The following SAMD11 variants were observed in gnomAD, a reference collection of about 807,000 sequenced individuals.
The protein encoded by SAMD11 is sterile alpha motif domain containing 11.
A neutral mutation model predicts 64.4 loss-of-function variants in SAMD11; 77 were observed. The observed-to-expected ratio is 1.20, with a 90% CI of 0.99 to 1.44. The LOEUF (loss-of-function observed/expected upper bound fraction) is 1.44. SAMD11 is among the 40% of genes most tolerant of loss of function. The pLI is 0.00. For synonymous variants in SAMD11, 658 were observed against 421.9 expected, an observed-to-expected ratio of 1.56 and a Z score of -6.86; for missense variants, 1,402 against 943.3, an observed-to-expected ratio of 1.49 and a Z score of -6.37.
intron 5 of SAMD11, among the ~76,000 whole-genome samples, chr1:937,568 G>C (rs1394763194): frequency 1.3e-5 from 2 of 152,206 alleles, no homozygotes; most frequent in Non-Finnish European, 2.9e-5. Context: ...GTGTGGAAAA[G>C]AGCCAGGTTC....
chr1:942,890 C>T lies in SAMD11; in HGVS notation c.1885C>T (p.Pro629Ser), dbSNP rs1409423831. 37 of 1,555,526 alleles carry T rather than the reference C, an allele frequency of 2.4e-5. No homozygotes were observed. The highest frequency in any genetic ancestry group is 4.1e-5 in the African/African-American group (3 of 73,622). ...ACAAGATGGCTCGGAAGACGAGCCC[C>T]CCAAAGACTCGGACGGAGAGGACCC... ...WAQDGSEDEPPKDSDGEDPET... is the reference protein window; with the variant it reads ...WAQDGSEDEPSKDSDGEDPET... Residue 629 changes from proline to serine, a missense_variant, in exon 11 of 14, where the codon CCC (proline) becomes TCC (serine). Physicochemically the swap from Pro to Ser is moderately conservative, Grantham distance 74 (BLOSUM62 -1). Coordinates refer to ENST00000616016, the MANE Select transcript of SAMD11 (RefSeq NM_001385641.1).
intron 4 of SAMD11, among the ~76,000 whole-genome samples, chr1:934,937 G>A (rs28451560): frequency 0.75 from 6,689 of 8,918 alleles, 2,499 homozygotes; most frequent in Middle Eastern, 0.94. Flanking sequence ...TGGGCGGGGG[G>A]GGCGGCTGCG....
At chr1:936,839 C>T (rs530351117) in intron 5 of SAMD11, among the ~76,000 whole-genome samples, 12 of 152,178 alleles carry the variant, frequency 7.9e-5, no homozygotes, top group Non-Finnish European at 1.6e-4. Context: ...CTAATTGCCC[C>T]ATCGATCCAG....
Position 937,900 on chromosome 1 carries a change from A to G in SAMD11, c.968-1140A>G, listed in dbSNP as rs28579246. Among the ~76,000 whole-genome samples the G allele has an allele frequency of 5.1e-3, 772 of 152,352 alleles. 5 individuals are homozygous for G. The highest frequency in any genetic ancestry group is 0.018 in the African/African-American group (737 of 41,572). ...ACTTCCCCAGCCTGATAAAAATGACAGATTAAGGGAATAAGAAAAAGGAAT... is the reference window on the plus strand; with the variant it reads ...ACTTCCCCAGCCTGATAAAAATGACGGATTAAGGGAATAAGAAAAAGGAAT... On this transcript the variant is annotated intron_variant, in intron 5 of 13. Coordinates refer to ENST00000616016, the MANE Select transcript of SAMD11 (RefSeq NM_001385641.1).
intron 2 of SAMD11, among the ~76,000 whole-genome samples, chr1:926,728 C>T (rs1557599290): frequency 1.3e-5 from 2 of 152,108 alleles, no homozygotes; most frequent in East Asian, 1.9e-4. Context: ...AGTCTCCAGC[C>T]CCCTAGTTGG....
At position 925,962 on chromosome 1, in the gene SAMD11, G is replaced by A. The variant is rs763964866; in HGVS notation, c.558G>A (p.Gln186=). The A allele has an allele frequency of 5.6e-6, 9 of 1,612,166 alleles. No individual in the cohort carries two copies. Among genetic ancestry groups the A allele is most frequent in the Non-Finnish European group, 7.6e-6 (9 of 1,179,944 alleles). Residue 186 remains glutamine (Q), a synonymous_variant, in exon 2 of 14, where the codon CAG becomes CAA. Coordinates refer to ENST00000616016, the MANE Select transcript of SAMD11 (RefSeq NM_001385641.1). ...LKTLMSKGIL[Q]VHPPICDCPG... ...CGCTTATGTCCAAGGGGATCCTGCA[G>A]GTGCATCCTCCGATCTGCGACTGCC...
chr1:944,036 G>A lies in SAMD11; in HGVS notation c.2418G>A (p.Thr806=), dbSNP rs202045502. 1.9e-4 allele frequency: 304 copies of A among 1,612,670 alleles called. No homozygotes were observed. The highest frequency in any genetic ancestry group is 2.5e-4 in the Non-Finnish European group (290 of 1,179,960). Residue 806 remains threonine (T), a synonymous_variant, in exon 14 of 14, where the codon ACG becomes ACA. Coordinates refer to ENST00000616016, the MANE Select transcript of SAMD11 (RefSeq NM_001385641.1). ...GAGAGCAGCCCTTGTCCCCCACGAC[G>A]GCCACGTCCCCCTATGGAGGGGGCC... ...GTGEQPLSPT[T]ATSPYGGGHA...
In SAMD11 at chr1:941,112, C is replaced by CG. The variant is rs769872476; in HGVS notation, c.1196-26dup. The CG allele has an allele frequency of 6.5e-4, 1,010 of 1,561,638 alleles. 2 individuals are homozygous for CG. The highest frequency in any genetic ancestry group is 1.4e-3 in the Middle Eastern group (7 of 4,880). ...GCTGGGGAGGATGAGGGCGCATAGC[C>CG]GGGGGGATCACTGCTGTTGTCCCCC... On this transcript the variant is annotated intron_variant, in intron 7 of 13. Transcript: ENST00000616016.
At chr1:939,166 G>A (rs1366030656) in intron 6 of SAMD11, 37 bp downstream of exon 6, 4 of 1,558,058 alleles carry the variant, frequency 2.6e-6, no homozygotes, top group African/African-American at 2.7e-5. Context: ...AGGTCACCAG[G>A]GGAGGGGGCA....
Position 943,292 on chromosome 1 carries a change from C to T in SAMD11, c.2093C>T (p.Pro698Leu), listed in dbSNP as rs1162993536. 1.9e-6 allele frequency: 3 copies of T among 1,612,752 alleles called. No individual in the cohort carries two copies. The highest frequency in any genetic ancestry group is 1.1e-5 in the South Asian group (1 of 91,054). ...GGLSMDGEEA[P>L]APEDVTKWTV... ...CTCTCCATGGATGGGGAGGAGGCCC[C>T]AGCCCCTGAGGACGTCACCAAGTGG... is the stretch of plus-strand genomic sequence containing the variant. The change falls in exon 12 of 14, where the codon CCA becomes CTA. Residue 698 changes from proline (P) to leucine (L), a missense_variant. Coordinates refer to ENST00000616016, the MANE Select transcript of SAMD11 (RefSeq NM_001385641.1).
At chr1:941,396 C>G in intron 8 of SAMD11, 90 bp downstream of exon 8, 2 of 1,269,040 alleles carry the variant, frequency 1.6e-6, no homozygotes, top group South Asian at 3.0e-5. Flanking sequence ...CCGAGAGTGC[C>G]AAGCACTGTG....
chr1:926,340 A>G (rs1164689408), intron 2 of SAMD11, among the ~76,000 whole-genome samples: 1 of 152,196 alleles, frequency 6.6e-6, no homozygotes, highest in Non-Finnish European at 1.5e-5. Flanking sequence ...GAGTAATTCA[A>G]CGTGGGCCTG....
chr1:935,710 C>T (rs1641395857), intron 4 of SAMD11, 62 bp from the exon 5 acceptor site: 2 of 1,604,124 alleles, frequency 1.2e-6, no homozygotes, highest in African/African-American at 2.7e-5. Context: ...TCCCTGTGCC[C>T]AGGCTGGGCT....
chr1:941,277 C>T lies in SAMD11; in HGVS notation c.1329C>T (p.Ala443=), dbSNP rs1195984800. 1 of 1,596,142 alleles carries T rather than the reference C, an allele frequency of 6.3e-7. No individual in the cohort carries two copies. The highest frequency in any genetic ancestry group is 8.5e-7 in the Non-Finnish European group (1 of 1,171,752). The change falls in exon 8 of 14, where the codon GCC becomes GCT. Residue 443 remains alanine, a synonymous_variant. Coordinates refer to ENST00000616016, the MANE Select transcript of SAMD11 (RefSeq NM_001385641.1). ...QGLAQHREGA[A]PAAAPSFSER... The stretch of plus-strand genomic sequence containing the variant: ...TGGCTCAGCACCGGGAGGGCGCCGC[C>T]CCAGCTGCCGCCCCGTCCTTCTCGG...
intron 5 of SAMD11, 97 bp downstream of exon 5, chr1:935,993 G>A (rs545645580): frequency 2.3e-6 from 3 of 1,318,058 alleles, no homozygotes; most frequent in Non-Finnish European, 3.1e-6. Context: ...CAGGCAGCCA[G>A]AGAGGCAGGA....
In SAMD11 at chr1:924,767, C is replaced by G. The variant is rs1342711366; in HGVS notation, c.336C>G (p.Gly112=). The change falls in exon 1 of 14, where the codon GGC becomes GGG. Residue 112 remains glycine, a synonymous_variant. Coordinates refer to ENST00000616016, the MANE Select transcript of SAMD11 (RefSeq NM_001385641.1). The part of the protein sequence containing the change: ...APDFQPLLDN[G]EPCIEVECGA... ...ATTTCCAGCCGCTGCTGGACAACGG[C>G]GAGCCGTGCATCGAGGTGGAGTGCG... 1 of 152,140 alleles carries G rather than the reference C, an allele frequency of 6.6e-6. No homozygotes were observed. Among genetic ancestry groups the G allele is most frequent in the Non-Finnish European group, 1.5e-5 (1 of 68,002 alleles). The allele number at this position is 152,140 out of a possible 1,614,324, so 9.4% of individuals were successfully genotyped here. A position where few individuals can be genotyped will look rare whatever the true frequency, so the allele number is the denominator to read the frequency against.
rs1020750944 is a variant in SAMD11, at chr1:943,313, A to G, written c.2114A>G (p.Lys705Arg). The stretch of plus-strand genomic sequence containing the variant: ...GCCCCAGCCCCTGAGGACGTCACCA[A>G]GTGGACCGTGGATGACGTCTGCAGC... ...EEAPAPEDVTKWTVDDVCSFV... is the reference protein window; with the variant it reads ...EEAPAPEDVTRWTVDDVCSFV... Residue 705 changes from lysine (K) to arginine (R), a missense_variant, in exon 12 of 14, where the codon AAG (lysine) becomes AGG (arginine). Transcript: ENST00000616016. The G allele has an allele frequency of 1.2e-6, 2 of 1,611,690 alleles. No individual in the cohort carries two copies. Among genetic ancestry groups the G allele is most frequent in the African/African-American group, 2.7e-5 (2 of 74,800 alleles).
chr1:937,522 A>C (rs1641522785), intron 5 of SAMD11, among the ~76,000 whole-genome samples: 1 of 151,824 alleles, frequency 6.6e-6, no homozygotes, highest in Admixed American at 6.6e-5. Flanking sequence ...GGCCTTGCTA[A>C]CCCTGAGGGC....
rs977797512 is a variant in SAMD11, at chr1:927,650, G to C, written c.609+1637G>C. On this transcript the variant is annotated intron_variant, in intron 2 of 13. Coordinates refer to ENST00000616016, the MANE Select transcript of SAMD11 (RefSeq NM_001385641.1). The stretch of plus-strand genomic sequence containing the variant: ...AAATCCGCAGGCATGTGCACCTCAT[G>C]GTCACAGATGCTCCGGGGCAGAATA... Among the ~76,000 whole-genome samples the C allele has an allele frequency of 2.0e-5, 3 of 152,362 alleles. 1 individual carries two copies. In the South Asian group the frequency reaches 6.2e-4, roughly 32 times the overall value.
Sources: allele counts gnomAD v4.1 joint callset (sites outside exome capture counted in the v4.1 genomes callset), GRCh38; gene constraint gnomAD v4.1.1; transcripts MANE v1.5; gene names NCBI Gene and HGNC (gene_info 2026-07-23, HGNC 2026-07-21).